Variants in TNNI3K observed in about 807,000 individuals in gnomAD.
The protein encoded by TNNI3K is TNNI3 interacting kinase.
In TNNI3K, 140 loss-of-function variants were observed where a neutral mutation model predicts 114.5. The observed-to-expected ratio is 1.22, with a 90% CI of 1.07 to 1.41. The LOEUF (loss-of-function observed/expected upper bound fraction) is 1.41. TNNI3K is among the 40% of genes most tolerant of loss of function. TNNI3K has a pLI of 0.00. For missense variants in TNNI3K, 1,125 were observed against 1,007.6 expected, an observed-to-expected ratio of 1.12 and a Z score of -1.58; for synonymous variants, 347 against 347.5, an observed-to-expected ratio of 1.00 and a Z score of 0.02.
At chr1:74,370,098 T>A (rs1192699459) in intron 16 of TNNI3K, among the ~76,000 whole-genome samples, 190 bp from the exon 17 acceptor site, 1 of 151,910 alleles carries the variant, frequency 6.6e-6, no homozygotes, top group Non-Finnish European at 1.5e-5. Flanking sequence ...ATGCTGTATA[T>A]CTTAATTGAT....
intron 16 of TNNI3K, chr1:74,369,986 C>T (rs1662508559): frequency 4.2e-6 from 1 of 237,002 alleles, no homozygotes; most frequent in Non-Finnish European, 8.0e-6. Flanking sequence ...AATGTAGTTT[C>T]ATACAGTGAT....
intron 20 of TNNI3K, among the ~76,000 whole-genome samples, chr1:74,451,720 TTTCTTTCTTTCTTTCTTTCTTTC>T (rs1471236259): frequency 9.7e-5 from 7 of 72,510 alleles, no homozygotes; most frequent in African/African-American, 2.9e-4. Context: ...TCTTTCTTTC[TTTCTTTCTTTCTTTCTTTCTTTC>T]TTTCTTTTCT....
At chr1:74,465,654 A>T (rs928083938) in intron 21 of TNNI3K, among the ~76,000 whole-genome samples, 3 of 152,216 alleles carry the variant, frequency 2.0e-5, no homozygotes. Flanking sequence ...CGCATGATGC[A>T]GGACTGGTGG....
intron 5 of TNNI3K, among the ~76,000 whole-genome samples, chr1:74,289,863 G>A (rs1657569290): frequency 6.6e-6 from 1 of 151,860 alleles, no homozygotes. Context: ...ACTAAGAAGG[G>A]CTGAAATGAA....
intron 11 of TNNI3K, among the ~76,000 whole-genome samples, chr1:74,359,585 C>T (rs978026120): frequency 4.0e-5 from 6 of 151,642 alleles, no homozygotes; most frequent in African/African-American, 1.5e-4. Context: ...AGAACTGAAG[C>T]AAAATAAAGG....
intron 5 of TNNI3K, among the ~76,000 whole-genome samples, chr1:74,300,610 G>A (rs1174084840): frequency 1.3e-5 from 2 of 152,154 alleles, no homozygotes; most frequent in Non-Finnish European, 2.9e-5. Flanking sequence ...GTTTAGTAAA[G>A]ACCATTCTCC....
chr1:74,461,201 C>T (rs1667439961), intron 20 of TNNI3K, among the ~76,000 whole-genome samples: 1 of 152,126 alleles, frequency 6.6e-6, no homozygotes, highest in Non-Finnish European at 1.5e-5. Flanking sequence ...TCAAGAGTGG[C>T]CCAGCATGGT....
intron 9 of TNNI3K, among the ~76,000 whole-genome samples, chr1:74,344,350 G>C (rs911854027): frequency 6.6e-6 from 1 of 152,138 alleles, no homozygotes; most frequent in Non-Finnish European, 1.5e-5. Context: ...GAAAACTGAG[G>C]CTCAGAAAAG....
At chr1:74,500,755 C>G (rs1480655563) in intron 23 of TNNI3K, among the ~76,000 whole-genome samples, 1 of 148,412 alleles carries the variant, frequency 6.7e-6, no homozygotes, top group Non-Finnish European at 1.5e-5. Context: ...TTTAATTGTT[C>G]AGTTACTTTT....
intron 17 of TNNI3K, among the ~76,000 whole-genome samples, chr1:74,422,465 C>CAG (rs1249445653): frequency 6.6e-6 from 1 of 152,004 alleles, no homozygotes; most frequent in Non-Finnish European, 1.5e-5. Flanking sequence ...ATGTGAAGCT[C>CAG]AGTCAATTAA....
In TNNI3K at chr1:74,464,898, T is replaced by C. The variant is rs183431990; in HGVS notation, c.2121+1348T>C. 9.0e-5 allele frequency: 117 copies of C among 1,297,814 alleles called. 1 individual carries two copies. The Middle Eastern group carries it at 1.5e-3, about 16-fold the overall frequency. The allele number at this position is 1,297,814 out of a possible 1,614,324, so 80.4% of individuals were successfully genotyped here. On this transcript the variant is annotated intron_variant, in intron 21 of 24. Coordinates refer to ENST00000326637, the MANE Select transcript of TNNI3K (RefSeq NM_015978.3). ...TCTAAAGCTGGATGCTTAAGAATGT[T>C]TGTTGAGTAAATGAATGAATACCAG...
intron 4 of TNNI3K, among the ~76,000 whole-genome samples, chr1:74,257,080 CTT>C (rs1285736408): frequency 1.3e-5 from 2 of 151,986 alleles, no homozygotes; most frequent in Non-Finnish European, 2.9e-5. Context: ...CTTCCTTCTT[CTT>C]TCTTTCTGTT....
intron 5 of TNNI3K, among the ~76,000 whole-genome samples, chr1:74,306,687 G>A (rs1301108969): frequency 1.3e-5 from 2 of 152,154 alleles, no homozygotes; most frequent in Non-Finnish European, 2.9e-5. Flanking sequence ...TTTAAGAAGT[G>A]TCTCTTCATG....
At chr1:74,370,948 G>A (rs1162169052) in intron 17 of TNNI3K, 5 of 151,818 alleles carry the variant, frequency 3.3e-5, no homozygotes, top group Admixed American at 3.3e-4. Flanking sequence ...AAGTCTTATA[G>A]GAAAGGCCAA....
At chr1:74,491,935 G>A (rs541889796) in intron 22 of TNNI3K, among the ~76,000 whole-genome samples, 162 bp from the exon 23 acceptor site, 1 of 152,328 alleles carries the variant, frequency 6.6e-6, no homozygotes, top group African/African-American at 2.4e-5. Context: ...GGCAGATGTT[G>A]CCACTAGACT....
At chr1:74,354,192 G>T in intron 11 of TNNI3K, 63 bp downstream of exon 11, 2 of 1,585,620 alleles carry the variant, frequency 1.3e-6, no homozygotes, top group Non-Finnish European at 1.7e-6. Flanking sequence ...GATTATGTCA[G>T]TGCATCAATA....
At chr1:74,445,812 A>G (rs188324070) in intron 20 of TNNI3K, among the ~76,000 whole-genome samples, 5,464 of 151,622 alleles carry the variant, frequency 0.036, 312 homozygotes, top group African/African-American at 0.13. Flanking sequence ...GGGTTTCACC[A>G]TTTTAGCCAG....
At chr1:74,432,376 G>A (rs1665940384) in intron 17 of TNNI3K, among the ~76,000 whole-genome samples, 1 of 152,074 alleles carries the variant, frequency 6.6e-6, no homozygotes, top group South Asian at 2.1e-4. Flanking sequence ...AAGAGCAAAT[G>A]GATGTAAATA....
chr1:74,475,261 C>A, intron 21 of TNNI3K: 1 of 616,432 alleles, frequency 1.6e-6, no homozygotes, highest in East Asian at 2.8e-5. Flanking sequence ...AAGAATTAAA[C>A]GGAGTGGGAT....
Sources: allele counts gnomAD v4.1 joint callset (sites outside exome capture counted in the v4.1 genomes callset), GRCh38; gene constraint gnomAD v4.1.1; transcripts MANE v1.5; gene names NCBI Gene and HGNC (gene_info 2026-07-23, HGNC 2026-07-21).